The following FANCD2 variants were observed in gnomAD, a reference collection of about 807,000 sequenced individuals.
FANCD2 encodes the protein FA complementation group D2.
FANCD2 carries 131 observed loss-of-function variants against 192.3 expected under a neutral mutation model. That is an observed-to-expected ratio of 0.68 (90% CI 0.59 to 0.79). The LOEUF (loss-of-function observed/expected upper bound fraction) is 0.79, where lower values mean the gene tolerates loss of function less well. Among genes scored for constraint, FANCD2 ranks in the 30% least tolerant of loss-of-function variants. The pLI is 0.00. For synonymous variants in FANCD2, 524 were observed against 612.5 expected (o/e 0.86, Z 2.13); for missense variants, 1,508 against 1,701.6 (o/e 0.89, Z 2.00).
intron 29 of FANCD2, among the ~76,000 whole-genome samples, chr3:10,077,279 G>A (rs1693588966): frequency 6.6e-6 from 1 of 152,074 alleles, no homozygotes; most frequent in African/African-American, 2.4e-5. Flanking sequence ...TTACCCTGCT[G>A]GGCGCAGTGG....
In FANCD2 at chr3:10,043,118, C is replaced by A. The variant is rs1176568263; in HGVS notation, c.957C>A (p.Ser319=). ...HCVLPSRLQA[S]QVKLKSKGRA... is the part of the protein sequence containing the mutation. ...TTTTGCCATCACGGTTACAGGCTTC[C>A]CAAGTAAAGTTGAAAAGTAAAGGAC... The change falls in exon 12 of 44, where the codon TCC becomes TCA. Residue 319 remains serine (S), a synonymous_variant. Coordinates refer to ENST00000675286, the MANE Select transcript of FANCD2 (RefSeq NM_001018115.3). 6.8e-6 allele frequency: 11 copies of A among 1,613,980 alleles called. No homozygotes were observed. The highest frequency in any genetic ancestry group is 9.3e-6 in the Non-Finnish European group (11 of 1,179,978).
intron 26 of FANCD2, among the ~76,000 whole-genome samples, chr3:10,071,523 C>A (rs1693245007): frequency 6.6e-6 from 1 of 152,104 alleles, no homozygotes; most frequent in African/African-American, 2.4e-5. Flanking sequence ...ACAATGAGAT[C>A]CTGTTGTTTG....
In FANCD2 at chr3:10,032,908, C is replaced by G. The variant is rs56405709; in HGVS notation, c.141C>G (p.Ile47Met). ...ATGAAGTTGAAGAAAATGACAGCATCTTTGTAAAGCTTCTTAAGATATCAG... is the reference window on the plus strand; with the variant it reads ...ATGAAGTTGAAGAAAATGACAGCATGTTTGTAAAGCTTCTTAAGATATCAG... ...IANEVEENDS[I>M]FVKLLKISGI... Residue 47 changes from isoleucine to methionine, a missense_variant, in exon 3 of 44, where the codon ATC becomes ATG. Coordinates refer to ENST00000675286, the MANE Select transcript of FANCD2 (RefSeq NM_001018115.3). 13 of 1,601,000 alleles carry G rather than the reference C, an allele frequency of 8.1e-6. No individual in the cohort carries two copies. In the East Asian group the frequency reaches 2.7e-4, roughly 33 times the overall value.
intron 7 of FANCD2, among the ~76,000 whole-genome samples, 153 bp from the exon 8 acceptor site, chr3:10,039,126 G>T (rs1360518825): frequency 6.6e-6 from 1 of 152,030 alleles, no homozygotes; most frequent in African/African-American, 2.4e-5. Context: ...CTGCATCTTG[G>T]GTATCACTTG....
At chr3:10,043,457 A>G (rs560221032) in intron 12 of FANCD2, 27 bp from the exon 13 acceptor site, 1 of 1,573,278 alleles carries the variant, frequency 6.4e-7, no homozygotes, top group African/African-American at 1.4e-5. Flanking sequence ...GTAGAAGAGT[A>G]ATTTTTTTCC....
rs1221930544 is a variant in FANCD2, at chr3:10,034,508, C to A, written c.245C>A (p.Thr82Asn). ...GCTTTCCAAAAGAAGCTCTTTCAGA[C>A]CCTGAGGAGACACCCTTCCTATCCC... ...QIAFQKKLFQ[T>N]LRRHPSYPKI... Residue 82 changes from threonine (T) to asparagine (N), a missense_variant, in exon 4 of 44, where the codon ACC (threonine) becomes AAC (asparagine). By Grantham distance (65) the Thr-to-Asn change is moderately conservative. This residue lies in a region of FANCD2 where 435 missense variants were observed against 421.9 expected (regional missense o/e 1.03). Coordinates refer to ENST00000675286, the MANE Select transcript of FANCD2 (RefSeq NM_001018115.3). 6.2e-7 allele frequency: 1 copy of A among 1,612,844 alleles called. No homozygotes were observed. The highest frequency in any genetic ancestry group is 1.3e-5 in the African/African-American group (1 of 74,966).
intron 43 of FANCD2, chr3:10,099,026 C>A: frequency 6.2e-7 from 1 of 1,610,654 alleles, no homozygotes; most frequent in South Asian, 1.1e-5. Context: ...CTGAGTATCT[C>A]GAGTTGTGGC....
chr3:10,101,377 CTTTTTTT>C lies in FANCD2; in HGVS notation c.*134_*140del, dbSNP rs950337384. ...ACTGGTAGGATCCTTTTTTGTTCCT[CTTTTTTT>C]TTTTTTTTTTTTTTTTTTAAAGACG... On this transcript the variant is annotated 3_prime_UTR_variant, in exon 44 of 44. Coordinates refer to ENST00000675286, the MANE Select transcript of FANCD2 (RefSeq NM_001018115.3). 2.5e-4 allele frequency: 96 copies of C among 388,488 alleles called. No individual in the cohort carries two copies. The highest frequency in any genetic ancestry group is 2.0e-3 in the African/African-American group (69 of 33,780). 24.1% of individuals were successfully genotyped at this position (388,488 alleles called of 1,614,324 possible).
intron 30 of FANCD2, among the ~76,000 whole-genome samples, chr3:10,078,721 T>TGGGA (rs1368894006): frequency 1.3e-5 from 2 of 151,356 alleles, no homozygotes; most frequent in Admixed American, 1.3e-4. Flanking sequence ...GCCAGCACTT[T>TGGGA]GGGAGGCCAA....
In FANCD2 at chr3:10,054,337, A is replaced by G. The variant is rs551153785; in HGVS notation, c.1656+1840A>G. 5.4e-3 allele frequency among the ~76,000 whole-genome samples: 455 copies of G among 83,870 alleles called. 3 individuals carry two copies. Among genetic ancestry groups the G allele is most frequent in the Non-Finnish European group, 8.4e-3 (379 of 45,224 alleles). 55.0% of individuals were successfully genotyped at this position (83,870 alleles called of 152,430 possible). A position where few individuals can be genotyped will look rare whatever the true frequency, so the allele number is the denominator to read the frequency against. On this transcript the variant is annotated intron_variant, in intron 18 of 43. Transcript: ENST00000675286. ...TGGACTGTGACTTTGAACAACCAGC[A>G]TATATATATATATACGTATATATAT...
chr3:10,037,192 T>C (rs934553037), intron 7 of FANCD2, among the ~76,000 whole-genome samples: 8 of 152,120 alleles, frequency 5.3e-5, no homozygotes, highest in South Asian at 2.1e-4. Flanking sequence ...ACAAAGGTCA[T>C]GAACAGACAG....
At chr3:10,045,101 T>TTTTTTTTTTTTTTTTTTTC (rs397948524) in intron 14 of FANCD2, among the ~76,000 whole-genome samples, 1 of 149,176 alleles carries the variant, frequency 6.7e-6, no homozygotes, top group African/African-American at 2.6e-5. Context: ...TTTTTTTTTT[T>TTTTTTTTTTTTTTTTTTTC]CCTGGAAGCA....
In FANCD2 at chr3:10,039,743, A is replaced by ATC; in HGVS notation, c.593_594insTC (p.Gln198HisfsTer3). 1 of 1,614,122 alleles carries ATC rather than the reference A, an allele frequency of 6.2e-7. No homozygotes were observed. Among genetic ancestry groups the ATC allele is most frequent in the Non-Finnish European group, 8.5e-7 (1 of 1,180,014 alleles). ...CAGGACCTCACCACCAAGATCATGC[A>ATC]GCTGATCAGTATTGCTCCAGAGAAC... On this transcript the variant is annotated frameshift_variant, in exon 9 of 44. Coordinates refer to ENST00000675286, the MANE Select transcript of FANCD2 (RefSeq NM_001018115.3). LOFTEE classifies it high-confidence loss of function.
intron 9 of FANCD2, chr3:10,040,586 A>T: frequency 2.2e-6 from 1 of 456,474 alleles, no homozygotes; most frequent in Non-Finnish European, 4.4e-6. Context: ...GCGGAGACCC[A>T]TTGCTTACTG....
At position 10,077,657 on chromosome 3, in the gene FANCD2, G is replaced by A. The variant is rs572437849; in HGVS notation, c.2860-424G>A. Among the ~76,000 whole-genome samples the A allele has an allele frequency of 3.3e-5, 5 of 152,268 alleles. No homozygotes were observed. In the East Asian group the frequency reaches 9.6e-4, roughly 29 times the overall value. On this transcript the variant is annotated intron_variant, in intron 29 of 43. Transcript: ENST00000675286. ...AATCCCAATACCTTGGGAGGCCAAG[G>A]CAGGAGGATTGCTCAAGCCCAGGAG...
At chr3:10,101,096 TAGTACAGTTGTG>T (rs1479871696) in intron 43 of FANCD2, 80 bp from the exon 44 acceptor site, 4 of 956,716 alleles carry the variant, frequency 4.2e-6, no homozygotes, top group Non-Finnish European at 6.7e-6. Flanking sequence ...ACAGTGATAA[TAGTACAGTTGTG>T]TATCCTCTAG....
chr3:10,034,362 TA>T lies in FANCD2; in HGVS notation c.206-106del, dbSNP rs1217984689. On this transcript the variant is annotated intron_variant, in intron 3 of 43. Transcript: ENST00000675286. ...AAAAAAAAAGATTTGTCTCTGAAAT[TA>T]GGTTGAAAATATTTTTATTGGTTTC... is the stretch of plus-strand genomic sequence containing the variant. 3.4e-4 allele frequency: 258 copies of T among 752,206 alleles called. 1 individual carries two copies. Among genetic ancestry groups the T allele is most frequent in the Admixed American group, 5.1e-4 (23 of 45,514 alleles). 46.6% of individuals were successfully genotyped at this position (752,206 alleles called of 1,614,324 possible). A position where few individuals can be genotyped will look rare whatever the true frequency, so the allele number is the denominator to read the frequency against.
At chr3:10,098,592 T>G (rs1434671135) in intron 42 of FANCD2, 128 bp from the exon 43 acceptor site, 2 of 1,109,014 alleles carry the variant, frequency 1.8e-6, no homozygotes, top group Non-Finnish European at 2.6e-6. Flanking sequence ...CAAGTTGGTA[T>G]CCATGTTTGC....
chr3:10,026,520 C>T, intron 1 of FANCD2, 47 bp downstream of exon 1: 1 of 491,002 alleles, frequency 2.0e-6, no homozygotes. Flanking sequence ...CCCCGCTCCC[C>T]TGCGGCCTAA....
Sources: gnomAD v4.1 joint callset for allele counts (sites outside exome capture counted in the v4.1 genomes callset) on GRCh38, gnomAD v4.1.1 for gene constraint, gnomAD v4.1.1 regional missense constraint, MANE v1.5 for transcripts, NCBI Gene and HGNC (gene_info 2026-07-23, HGNC 2026-07-21) for gene names.